The following REPS1 variants were observed in gnomAD, a reference collection of about 807,000 sequenced individuals.
The protein encoded by REPS1 is ralBP1-associated Eps domain-containing protein 1.
REPS1 carries 39 observed loss-of-function variants against 100.9 expected under a neutral mutation model. The ratio of observed to expected loss-of-function variants is 0.39; its 90% CI spans 0.30 to 0.50. The LOEUF (loss-of-function observed/expected upper bound fraction) is 0.50, where lower values mean the gene tolerates loss of function less well. Among genes scored for constraint, REPS1 ranks in the 20% least tolerant of loss-of-function variants. The pLI is 0.86. For synonymous variants in REPS1, 324 were observed against 340.3 expected (o/e 0.95, Z 0.53); for missense variants, 821 against 968.5 (o/e 0.85, Z 2.02).
At chr6:138,936,128 C>CA (rs1375812423) in intron 8 of REPS1, among the ~76,000 whole-genome samples, 3 of 152,146 alleles carry the variant, frequency 2.0e-5, no homozygotes, top group Admixed American at 2.0e-4. Flanking sequence ...GTCACTTCTA[C>CA]AAAAAATAAT....
At chr6:138,920,982 T>C in intron 11 of REPS1, 55 bp downstream of exon 11, 1 of 1,242,134 alleles carries the variant, frequency 8.1e-7, no homozygotes, top group Non-Finnish European at 1.2e-6. Context: ...ACAGAATAAT[T>C]ACATATTTCA....
In REPS1 at chr6:138,945,497, T is replaced by C. The variant is rs372825012; in HGVS notation, c.474+4A>G. 19 of 1,596,174 alleles carry C rather than the reference T, an allele frequency of 1.2e-5. No individual in the cohort carries two copies. Among genetic ancestry groups the C allele is most frequent in the Non-Finnish European group, 1.6e-5 (19 of 1,171,752 alleles). Reference sequence around the variant, plus strand: ...ACTGCTAATATTTACATGCATGTGATTACCTGTGCATCTGCAGATGTACGA... The same window carrying C: ...ACTGCTAATATTTACATGCATGTGACTACCTGTGCATCTGCAGATGTACGA... On this transcript the variant is annotated splice_donor_region_variant and intron_variant, in intron 3 of 19. Coordinates refer to ENST00000450536, the MANE Select transcript of REPS1 (RefSeq NM_001286611.2).
intron 8 of REPS1, among the ~76,000 whole-genome samples, chr6:138,940,364 T>G (rs1470720716): frequency 6.6e-6 from 1 of 152,230 alleles, no homozygotes; most frequent in Non-Finnish European, 1.5e-5. Context: ...TTAGGCTCAT[T>G]AAGAATTAAA....
intron 8 of REPS1, among the ~76,000 whole-genome samples, chr6:138,936,932 T>C (rs1781886912): frequency 6.6e-6 from 1 of 152,198 alleles, no homozygotes; most frequent in South Asian, 2.1e-4. Context: ...ATTCTATTAG[T>C]CCATTTTCAC....
rs556323734 is a variant in REPS1, at chr6:138,980,532, T to C, written c.153+6998A>G. 2.7e-5 allele frequency among the ~76,000 whole-genome samples: 4 copies of C among 149,322 alleles called. No homozygotes were observed. The East Asian group carries it at 7.8e-4, about 29-fold the overall frequency. ...CCCAGTTCTCTCTATATGAAACACC[T>C]TATTCTCCCTCCCCTGACCCCCCAT... is the stretch of plus-strand genomic sequence containing the variant. On this transcript the variant is annotated intron_variant, in intron 1 of 19. Transcript: ENST00000450536.
intron 18 of REPS1, 62 bp from the exon 19 acceptor site, chr6:138,907,662 A>G (rs1280629253): frequency 9.8e-7 from 1 of 1,019,116 alleles, no homozygotes; most frequent in Non-Finnish European, 1.5e-6. Flanking sequence ...AATCCTCTCT[A>G]TTCCTTCCTG....
chr6:138,971,842 G>A (rs1047973484), intron 1 of REPS1, among the ~76,000 whole-genome samples: 1 of 152,160 alleles, frequency 6.6e-6, no homozygotes, highest in Non-Finnish European at 1.5e-5. Flanking sequence ...CCTGGGTGAG[G>A]AGCCCAGAAT....
At position 138,936,902 on chromosome 6, in the gene REPS1, A is replaced by G. The variant is rs578186926; in HGVS notation, c.1135+4433T>C. On this transcript the variant is annotated intron_variant, in intron 8 of 19. Transcript: ENST00000450536. Reference sequence around the variant, plus strand: ...TATTATGGAATACCTTGAATCATAAATGTGATAGCTCTATATATTATTCTA... The same window carrying G: ...TATTATGGAATACCTTGAATCATAAGTGTGATAGCTCTATATATTATTCTA... Among the ~76,000 whole-genome samples, 5 of 152,334 alleles carry G rather than the reference A, an allele frequency of 3.3e-5. No individual in the cohort carries two copies. The East Asian group carries it at 9.6e-4, about 29-fold the overall frequency.
chr6:138,918,077 G>A (rs1470321263), intron 12 of REPS1, among the ~76,000 whole-genome samples: 1 of 149,230 alleles, frequency 6.7e-6, no homozygotes, highest in Non-Finnish European at 1.5e-5. Flanking sequence ...TTGCATGCGT[G>A]TGTGTGTGTG....
intron 2 of REPS1, among the ~76,000 whole-genome samples, chr6:138,947,035 GCTCT>G (rs10581264): frequency 0.026 from 3,523 of 137,654 alleles, 75 homozygotes; most frequent in African/African-American, 0.05. Context: ...ATTCCCCCTT[GCTCT>G]CTCTCTCTCT....
intron 10 of REPS1, among the ~76,000 whole-genome samples, chr6:138,925,733 C>T (rs1320041299): frequency 5.3e-5 from 8 of 150,862 alleles, no homozygotes. Context: ...GAACGATTAA[C>T]AGCTAAGGTT....
intron 7 of REPS1, among the ~76,000 whole-genome samples, chr6:138,941,897 G>T (rs1782278578): frequency 6.6e-6 from 1 of 151,706 alleles, no homozygotes; most frequent in African/African-American, 2.4e-5. Flanking sequence ...TATTTTTTTT[G>T]AGATGGAATC....
At chr6:138,973,151 T>G (rs774887063) in intron 1 of REPS1, among the ~76,000 whole-genome samples, 1 of 152,126 alleles carries the variant, frequency 6.6e-6, no homozygotes, top group African/African-American at 2.4e-5. Flanking sequence ...AGAATAGAGT[T>G]GGGAGACTAC....
At chr6:138,932,940 G>C (rs559692713) in intron 8 of REPS1, among the ~76,000 whole-genome samples, 1 of 152,102 alleles carries the variant, frequency 6.6e-6, no homozygotes, top group South Asian at 2.1e-4. Context: ...AGCACTTAAA[G>C]GCTTGATATG....
intron 1 of REPS1, among the ~76,000 whole-genome samples, chr6:138,956,656 C>T (rs929897804): frequency 1.3e-4 from 20 of 152,020 alleles, no homozygotes; most frequent in African/African-American, 3.9e-4. Flanking sequence ...GAAGCTATTC[C>T]CTGCCCCCTC....
chr6:138,966,869 C>T (rs1287273087), intron 1 of REPS1, among the ~76,000 whole-genome samples: 1 of 152,174 alleles, frequency 6.6e-6, no homozygotes, highest in African/African-American at 2.4e-5. Flanking sequence ...CCTTACATTT[C>T]ATATAACTAC....
chr6:138,907,361 C>A, intron 19 of REPS1, 134 bp downstream of exon 19: 1 of 477,766 alleles, frequency 2.1e-6, no homozygotes, highest in Non-Finnish European at 3.8e-6. Flanking sequence ...GTTAACTAAC[C>A]ACAGTCAAAG....
At chr6:138,942,929 G>A (rs1782362107) in intron 7 of REPS1, among the ~76,000 whole-genome samples, 1 of 150,602 alleles carries the variant, frequency 6.6e-6, no homozygotes, top group African/African-American at 2.4e-5. Flanking sequence ...TAATTTTTCT[G>A]TAGAGACAGG....
At chr6:138,985,430 A>C (rs1785201999) in intron 1 of REPS1, among the ~76,000 whole-genome samples, 1 of 152,230 alleles carries the variant, frequency 6.6e-6, no homozygotes, top group Non-Finnish European at 1.5e-5. Context: ...TAAGTAGAGA[A>C]CTAAGCATTA....
Sources: gnomAD v4.1 joint callset for allele counts (sites outside exome capture counted in the v4.1 genomes callset) on GRCh38, gnomAD v4.1.1 for gene constraint, MANE v1.5 for transcripts, NCBI Gene and HGNC (gene_info 2026-07-23, HGNC 2026-07-21) for gene names.